Variants in BMP6 observed in about 807,000 individuals in gnomAD.
BMP6 encodes the protein bone morphogenetic protein 6.
In BMP6, 17 loss-of-function variants were observed where a neutral mutation model predicts 54.1. The observed-to-expected ratio is 0.31, with a 90% confidence interval of 0.22 to 0.47. The LOEUF (loss-of-function observed/expected upper bound fraction) is 0.47. Among genes scored for constraint, BMP6 ranks in the 20% least tolerant of loss-of-function variants. The pLI, the probability that BMP6 is intolerant of heterozygous loss-of-function variation, is 1.00. For missense variants in BMP6, 720 were observed against 690.4 expected (o/e 1.04, Z -0.48); for synonymous variants, 328 against 291.2 (o/e 1.13, Z -1.28).
rs766833700 is a variant in BMP6, at chr6:7,861,614, G to A, written c.1006+15G>A. 23 of 1,612,986 alleles carry A rather than the reference G, an allele frequency of 1.4e-5. No individual in the cohort carries two copies. The African/African-American group carries it at 1.5e-4, about 10-fold the overall frequency. ...GACAAGGGATGGTAAGTTATTATCC[G>A]CAAGCCTCCAACGTCCAGCAAGTCA... is the stretch of plus-strand genomic sequence containing the variant. On this transcript the variant is annotated intron_variant, in intron 3 of 6. Coordinates refer to ENST00000283147, the MANE Select transcript of BMP6 (RefSeq NM_001718.6).
intron 1 of BMP6, among the ~76,000 whole-genome samples, chr6:7,778,768 G>T (rs1220213635): frequency 1.3e-5 from 2 of 152,216 alleles, no homozygotes; most frequent in East Asian, 3.8e-4. Flanking sequence ...GGCGGAACTG[G>T]AATCGAGTCT....
chr6:7,752,813 A>G (rs1757447304), intron 1 of BMP6, among the ~76,000 whole-genome samples: 1 of 152,186 alleles, frequency 6.6e-6, no homozygotes, highest in Non-Finnish European at 1.5e-5. Context: ...TTTAGATATC[A>G]GCACAGAATA....
intron 1 of BMP6, among the ~76,000 whole-genome samples, chr6:7,778,043 A>C (rs929548574): frequency 6.6e-6 from 1 of 152,232 alleles, no homozygotes; most frequent in Non-Finnish European, 1.5e-5. Flanking sequence ...ACTCCCAGGC[A>C]GAAGTGCATC....
intron 1 of BMP6, among the ~76,000 whole-genome samples, chr6:7,781,661 A>G (rs1262180615): frequency 6.6e-6 from 1 of 151,616 alleles, no homozygotes; most frequent in Admixed American, 6.6e-5. Flanking sequence ...ATACACTTAA[A>G]TAAAAAACAG....
intron 1 of BMP6, among the ~76,000 whole-genome samples, chr6:7,727,838 C>G (rs918376119): frequency 6.6e-6 from 1 of 151,408 alleles, no homozygotes; most frequent in Non-Finnish European, 1.5e-5. Context: ...CGCCGAGGCC[C>G]CCAGAGGCGG....
chr6:7,830,493 T>C (rs1307642402), intron 1 of BMP6, among the ~76,000 whole-genome samples: 2 of 152,194 alleles, frequency 1.3e-5, no homozygotes, highest in East Asian at 1.9e-4. Flanking sequence ...GGGCCGTAAA[T>C]GAGCTCTGAT....
chr6:7,726,843 C>A lies in BMP6; in HGVS notation c.-113C>A. The A allele has an allele frequency of 1.6e-6, 1 of 607,526 alleles. No homozygotes were observed. Among genetic ancestry groups the A allele is most frequent in the Non-Finnish European group, 2.1e-6 (1 of 474,196 alleles). The allele number at this position is 607,526 out of a possible 1,614,324, so 37.6% of individuals were successfully genotyped here. ...GAGGGCCAGGAAGGGGAAGCGAGCCCGCCGAGAGGTGGCGGGGACTGCTCA... is the reference window on the plus strand; with the variant it reads ...GAGGGCCAGGAAGGGGAAGCGAGCCAGCCGAGAGGTGGCGGGGACTGCTCA... On this transcript the variant is annotated 5_prime_UTR_variant, in exon 1 of 7. Coordinates refer to ENST00000283147, the MANE Select transcript of BMP6 (RefSeq NM_001718.6).
chr6:7,839,407 T>C (rs927793619), intron 1 of BMP6, among the ~76,000 whole-genome samples: 6 of 152,218 alleles, frequency 3.9e-5, no homozygotes, highest in Non-Finnish European at 8.8e-5. Flanking sequence ...CCACTTCCTC[T>C]CCAGAACTTT....
intron 2 of BMP6, among the ~76,000 whole-genome samples, chr6:7,857,510 T>A (rs1469209646): frequency 1.3e-5 from 2 of 152,240 alleles, no homozygotes; most frequent in African/African-American, 2.4e-5. Context: ...CTTGAGAGTA[T>A]GTCACCTCAA....
At chr6:7,815,659 CA>C (rs966220050) in intron 1 of BMP6, among the ~76,000 whole-genome samples, 133 of 152,024 alleles carry the variant, frequency 8.7e-4, no homozygotes, top group African/African-American at 3.0e-3. Flanking sequence ...ATTACAAATT[CA>C]AAAAGTTTTA....
chr6:7,775,669 C>G (rs1016388977), intron 1 of BMP6, among the ~76,000 whole-genome samples: 1 of 152,154 alleles, frequency 6.6e-6, no homozygotes, highest in Non-Finnish European at 1.5e-5. Context: ...GTGGTAAGGT[C>G]AGCTCTCTGA....
intron 1 of BMP6, among the ~76,000 whole-genome samples, chr6:7,842,931 T>C (rs573155573): frequency 4.0e-4 from 61 of 152,374 alleles, no homozygotes; most frequent in African/African-American, 1.4e-3. Flanking sequence ...TTAGTAATAT[T>C]ACAATTAGGC....
chr6:7,871,551 A>G (rs1358210708), intron 4 of BMP6, among the ~76,000 whole-genome samples: 1 of 152,122 alleles, frequency 6.6e-6, no homozygotes, highest in Non-Finnish European at 1.5e-5. Context: ...CTGCTTGTCC[A>G]AGTTGCCCTG....
At chr6:7,852,689 C>T (rs1338670216) in intron 2 of BMP6, among the ~76,000 whole-genome samples, 2 of 152,206 alleles carry the variant, frequency 1.3e-5, no homozygotes, top group Non-Finnish European at 2.9e-5. Flanking sequence ...TTTTTAGCTC[C>T]TCAGCACTGT....
In BMP6 at chr6:7,860,243, A is replaced by G. The variant is rs111482037; in HGVS notation, c.858-1208A>G. Among the ~76,000 whole-genome samples, 1,351 of 152,332 alleles carry G rather than the reference A, an allele frequency of 8.9e-3. 5 individuals are homozygous for G. Among genetic ancestry groups the G allele is most frequent in the Non-Finnish European group, 0.013 (860 of 68,032 alleles). ...AGGACCAAACAAAGAGAAGTAGATGAAAGCACTTTGTAACTTATGTAAATG... is the reference window on the plus strand; with the variant it reads ...AGGACCAAACAAAGAGAAGTAGATGGAAGCACTTTGTAACTTATGTAAATG... On this transcript the variant is annotated intron_variant, in intron 2 of 6. Coordinates refer to ENST00000283147, the MANE Select transcript of BMP6 (RefSeq NM_001718.6).
chr6:7,793,003 A>C (rs1329723191), intron 1 of BMP6, among the ~76,000 whole-genome samples: 1 of 152,262 alleles, frequency 6.6e-6, no homozygotes, highest in Non-Finnish European at 1.5e-5. Context: ...TGCAAGAAAT[A>C]GAATTTCTTT....
chr6:7,840,471 C>T (rs1758951418), intron 1 of BMP6, among the ~76,000 whole-genome samples: 1 of 152,138 alleles, frequency 6.6e-6, no homozygotes, highest in Admixed American at 6.5e-5. Flanking sequence ...ACATAATTTA[C>T]ATTTTAAATC....
At chr6:7,825,500 C>A (rs1409707248) in intron 1 of BMP6, among the ~76,000 whole-genome samples, 3 of 152,076 alleles carry the variant, frequency 2.0e-5, no homozygotes, top group Non-Finnish European at 4.4e-5. Context: ...GCGGGCGGAT[C>A]ACCTGAGGTC....
intron 1 of BMP6, among the ~76,000 whole-genome samples, chr6:7,814,113 G>A (rs1581259365): frequency 6.6e-6 from 1 of 152,144 alleles, no homozygotes; most frequent in African/African-American, 2.4e-5. Context: ...AGCTCATTAT[G>A]CCTGGGATCC....
Sources: allele counts gnomAD v4.1 joint callset (sites outside exome capture counted in the v4.1 genomes callset), GRCh38; gene constraint gnomAD v4.1.1; transcripts MANE v1.5; gene names NCBI Gene and HGNC (gene_info 2026-07-23, HGNC 2026-07-21).